Variants in TESMIN observed in about 807,000 individuals in gnomAD.
TESMIN encodes CXC domain containing 2.
TESMIN carries 34 observed loss-of-function variants against 47.4 expected under a neutral mutation model. The ratio of observed to expected loss-of-function variants is 0.72; its 90% CI spans 0.55 to 0.96. The LOEUF (loss-of-function observed/expected upper bound fraction) is 0.96, where lower values mean the gene tolerates loss of function less well. Among genes scored for constraint, TESMIN ranks in the 40% least tolerant of loss-of-function variants. TESMIN has a pLI of 0.00. For synonymous variants in TESMIN, 278 were observed against 258.9 expected (o/e 1.07, Z -0.71); for missense variants, 610 against 637.2 (o/e 0.96, Z 0.46).
intron 6 of TESMIN, among the ~76,000 whole-genome samples, chr11:68,728,606 A>T (rs2153991515): frequency 6.6e-6 from 1 of 152,388 alleles, no homozygotes; most frequent in Non-Finnish European, 1.5e-5. Context: ...TACTAGAAGA[A>T]GATGCCACCT....
chr11:68,720,034 C>G (rs990449900), intron 6 of TESMIN, among the ~76,000 whole-genome samples: 1 of 152,114 alleles, frequency 6.6e-6, no homozygotes, highest in Non-Finnish European at 1.5e-5. Flanking sequence ...CTCAAATGCA[C>G]TAGAGTAGAA....
chr11:68,737,246 T>C, intron 6 of TESMIN: 1 of 984,958 alleles, frequency 1.0e-6, no homozygotes. Context: ...ACCCAGAGAG[T>C]GAAGCAAGCA....
intron 5 of TESMIN, among the ~76,000 whole-genome samples, chr11:68,741,564 G>A (rs777674128): frequency 5.3e-5 from 8 of 152,194 alleles, no homozygotes; most frequent in Non-Finnish European, 1.0e-4. Flanking sequence ...GCAGGAGGGC[G>A]GAGTTGTGTG....
Position 68,742,383 on chromosome 11 carries a change from G to A in TESMIN, c.763C>T (p.Pro255Ser). The change falls in exon 5 of 10, where the codon CCA (proline) becomes TCA (serine). Residue 255 changes from proline to serine, a missense_variant. Transcript: ENST00000255087. ...AATCTCCCTACTAAAGCAGTCATTGGTTTAGGGACATCTGTAAGGAAGATA... is the reference window on the plus strand; with the variant it reads ...AATCTCCCTACTAAAGCAGTCATTGATTTAGGGACATCTGTAAGGAAGATA... ...NNYLQSDVPK[P>S]MTALVGRFLP... 11 of 1,589,850 alleles carry A rather than the reference G, an allele frequency of 6.9e-6. No individual in the cohort carries two copies. Among genetic ancestry groups the A allele is most frequent in the Non-Finnish European group, 9.5e-6 (11 of 1,162,512 alleles).
chr11:68,728,690 T>C (rs970238638), intron 6 of TESMIN, among the ~76,000 whole-genome samples: 21 of 152,262 alleles, frequency 1.4e-4, no homozygotes, highest in Admixed American at 6.5e-5. Context: ...GCTCTCTTAT[T>C]GGGATATGGT....
intron 7 of TESMIN, among the ~76,000 whole-genome samples, chr11:68,715,188 A>C (rs1207425570): frequency 6.6e-6 from 1 of 152,206 alleles, no homozygotes; most frequent in South Asian, 2.1e-4. Context: ...GGGCACCGGA[A>C]GTGTCTCCCT....
chr11:68,717,102 A>G (rs896615992), intron 6 of TESMIN, among the ~76,000 whole-genome samples: 1 of 152,278 alleles, frequency 6.6e-6, no homozygotes, highest in Non-Finnish European at 1.5e-5. Flanking sequence ...GCAGGAGACC[A>G]GAGGTCTGCA....
intron 2 of TESMIN, among the ~76,000 whole-genome samples, chr11:68,749,050 CTG>C (rs747404468): frequency 5.9e-5 from 9 of 152,300 alleles, no homozygotes; most frequent in Admixed American, 2.6e-4. Flanking sequence ...TGACTCCACT[CTG>C]TGAGGAAATG....
At chr11:68,741,966 T>C (rs552649778) in intron 5 of TESMIN, among the ~76,000 whole-genome samples, 7 of 152,196 alleles carry the variant, frequency 4.6e-5, no homozygotes, top group Non-Finnish European at 8.8e-5. Context: ...TTTAAAAAAG[T>C]ATTTCCATAA....
intron 2 of TESMIN, among the ~76,000 whole-genome samples, chr11:68,747,649 C>G (rs896375802): frequency 1.3e-5 from 2 of 152,144 alleles, no homozygotes; most frequent in Non-Finnish European, 2.9e-5. Flanking sequence ...ATTAGATGTT[C>G]TAGTCAATTG....
At chr11:68,740,965 T>C (rs1318095072) in intron 5 of TESMIN, among the ~76,000 whole-genome samples, 1 of 152,124 alleles carries the variant, frequency 6.6e-6, no homozygotes, top group Non-Finnish European at 1.5e-5. Flanking sequence ...TCTCCAATCA[T>C]CCAGGCTGAA....
At chr11:68,748,523 T>C (rs1373460133) in intron 2 of TESMIN, among the ~76,000 whole-genome samples, 1 of 152,246 alleles carries the variant, frequency 6.6e-6, no homozygotes, top group Non-Finnish European at 1.5e-5. Context: ...CTCAGACCTA[T>C]GCAACTAATA....
At chr11:68,718,000 A>G (rs959385452) in intron 6 of TESMIN, among the ~76,000 whole-genome samples, 9 of 152,188 alleles carry the variant, frequency 5.9e-5, no homozygotes, top group African/African-American at 1.7e-4. Flanking sequence ...CTAGAATTTG[A>G]CATTGAGCTT....
At chr11:68,742,239 G>A in intron 5 of TESMIN, 79 bp downstream of exon 5, 1 of 848,884 alleles carries the variant, frequency 1.2e-6, no homozygotes, top group Non-Finnish European at 1.8e-6. Context: ...TATTTCCTGA[G>A]TAATTCCAAC....
At chr11:68,741,470 CT>C (rs1469122156) in intron 5 of TESMIN, among the ~76,000 whole-genome samples, 1 of 152,242 alleles carries the variant, frequency 6.6e-6, no homozygotes. Context: ...CCCCAATCCG[CT>C]TCCTCTGCTC....
intron 6 of TESMIN, among the ~76,000 whole-genome samples, chr11:68,716,846 C>A (rs1946145663): frequency 6.6e-6 from 1 of 152,232 alleles, no homozygotes; most frequent in Non-Finnish European, 1.5e-5. Context: ...AGAGAGCCAC[C>A]CCATGGCTTC....
In TESMIN at chr11:68,713,284, A is replaced by G; in HGVS notation, c.1144T>C (p.Cys382Arg). ...CRRSGCLKNY[C>R]ECYEAQIMCS... ...TGGGCACTAACCTCATAGCACTCGC[A>G]GTAATTCTTCAGGCAGCCTGACCTC... Residue 382 changes from cysteine to arginine, a missense_variant, in exon 8 of 10, where the codon TGC becomes CGC. Cys to Arg is a radical substitution (Grantham distance 180). Coordinates refer to ENST00000255087, the MANE Select transcript of TESMIN (RefSeq NM_004923.3). The G allele has an allele frequency of 4.3e-6, 7 of 1,614,182 alleles. No individual in the cohort carries two copies. Among genetic ancestry groups the G allele is most frequent in the Non-Finnish European group, 5.1e-6 (6 of 1,180,014 alleles).
chr11:68,719,789 T>C (rs1165637005), intron 6 of TESMIN, among the ~76,000 whole-genome samples: 7 of 152,128 alleles, frequency 4.6e-5, no homozygotes, highest in Non-Finnish European at 1.5e-5. Context: ...AGAAGACAGA[T>C]TGCAAATATA....
chr11:68,706,008 G>C (rs912704804), downstream of TESMIN, among the ~76,000 whole-genome samples: 4 of 123,262 alleles, frequency 3.2e-5, no homozygotes, highest in African/African-American at 1.2e-4. Context: ...GGGCAACAGA[G>C]TGAGACTCCG....
Sources: gnomAD v4.1 joint callset for allele counts (sites outside exome capture counted in the v4.1 genomes callset) on GRCh38, gnomAD v4.1.1 for gene constraint, MANE v1.5 for transcripts, NCBI Gene and HGNC (gene_info 2026-07-23, HGNC 2026-07-21) for gene names.